Variants in CDKN3 observed in about 807,000 individuals in gnomAD.
The protein encoded by CDKN3 is cyclin-dependent kinase inhibitor 3.
Under a neutral mutation model 36.1 loss-of-function variants are expected in CDKN3, and 19 were observed. The ratio of observed to expected loss-of-function variants is 0.53; its 90% CI spans 0.37 to 0.77. CDKN3 has a LOEUF of 0.77. Ranked by LOEUF, CDKN3 falls within the 30% of genes least tolerant of loss-of-function variation. The pLI is 0.00. For missense variants in CDKN3, 188 were observed against 248.6 expected (o/e 0.76, Z 1.64); for synonymous variants, 71 against 85.3 (o/e 0.83, Z 0.92).
At chr14:54,412,300 G>C (rs2030385716) in intron 5 of CDKN3, among the ~76,000 whole-genome samples, 1 of 152,058 alleles carries the variant, frequency 6.6e-6, no homozygotes, top group East Asian at 1.9e-4. Flanking sequence ...TGGGGGAACT[G>C]CTTGAGCCTG....
intron 6 of CDKN3, among the ~76,000 whole-genome samples, chr14:54,417,159 G>A (rs558765939): frequency 6.6e-6 from 1 of 152,246 alleles, no homozygotes; most frequent in East Asian, 1.9e-4. Flanking sequence ...ATATGACCCA[G>A]CAATTTCACT....
Position 54,420,163 on chromosome 14 carries a change from A to C in CDKN3, c.*85A>C. 1 of 717,846 alleles carries C rather than the reference A, an allele frequency of 1.4e-6. No homozygotes were observed. The highest frequency in any genetic ancestry group is 2.7e-5 in the East Asian group (1 of 36,584). 44.5% of individuals were successfully genotyped at this position (717,846 alleles called of 1,614,324 possible). A position where few individuals can be genotyped will look rare whatever the true frequency, so the allele number is the denominator to read the frequency against. On this transcript the variant is annotated 3_prime_UTR_variant, in exon 8 of 8. Transcript: ENST00000335183. ...GTATTGAAATGAAACCACCAGTGTTATCAACTTGAATGTAAATGTACATGT... is the reference window on the plus strand; with the variant it reads ...GTATTGAAATGAAACCACCAGTGTTCTCAACTTGAATGTAAATGTACATGT...
chr14:54,409,461 C>G (rs1224201087), intron 4 of CDKN3, among the ~76,000 whole-genome samples: 3 of 152,140 alleles, frequency 2.0e-5, no homozygotes, highest in Non-Finnish European at 4.4e-5. Context: ...TTGCTTGATT[C>G]TAACTAGTAT....
rs932657303 is a variant in CDKN3, at chr14:54,403,929, T to G, written c.148+2350T>G. Among the ~76,000 whole-genome samples the G allele has an allele frequency of 9.2e-5, 14 of 152,230 alleles. 1 individual carries two copies. The highest frequency in any genetic ancestry group is 6.5e-5 in the Admixed American group (1 of 15,284). ...ATAAGCTTTTTAATGTGCTGCTGGATTCAGTTTGCCAGTATTTTACTGAGG... is the reference window on the plus strand; with the variant it reads ...ATAAGCTTTTTAATGTGCTGCTGGAGTCAGTTTGCCAGTATTTTACTGAGG... On this transcript the variant is annotated intron_variant, in intron 3 of 7. Coordinates refer to ENST00000335183, the MANE Select transcript of CDKN3 (RefSeq NM_005192.4).
At chr14:54,400,963 T>C (rs963439118) in intron 2 of CDKN3, among the ~76,000 whole-genome samples, 1 of 152,242 alleles carries the variant, frequency 6.6e-6, no homozygotes, top group African/African-American at 2.4e-5. Flanking sequence ...AAAATAGTAA[T>C]GTAGAATAAA....
chr14:54,400,034 A>G (rs763837229), intron 2 of CDKN3, 58 bp downstream of exon 2: 1 of 834,502 alleles, frequency 1.2e-6, no homozygotes, highest in Non-Finnish European at 2.1e-6. Flanking sequence ...TCATAAATGT[A>G]AATTTAGTTA....
At chr14:54,402,354 CTTTT>C (rs937640647) in intron 3 of CDKN3, among the ~76,000 whole-genome samples, 13 of 149,260 alleles carry the variant, frequency 8.7e-5, no homozygotes, top group African/African-American at 2.7e-4. Context: ...CTCACATTTT[CTTTT>C]TTTATTATAC....
chr14:54,415,762 A>G, intron 5 of CDKN3, 137 bp from the exon 6 acceptor site: 1 of 717,074 alleles, frequency 1.4e-6, no homozygotes. Flanking sequence ...TTAAATCAAA[A>G]ATATTTATTA....
rs2030680115 is a variant in CDKN3 at position 54,420,180 on chromosome 14, T to A, written c.*102T>A. ...CCAGTGTTATCAACTTGAATGTAAA[T>A]GTACATGTGCAGATATTCCTAAAGT... On this transcript the variant is annotated 3_prime_UTR_variant, in exon 8 of 8. Coordinates refer to ENST00000335183, the MANE Select transcript of CDKN3 (RefSeq NM_005192.4). The A allele has an allele frequency of 3.1e-6, 2 of 653,068 alleles. No homozygotes were observed. The highest frequency in any genetic ancestry group is 2.6e-5 in the Admixed American group (1 of 38,780). The allele number at this position is 653,068 out of a possible 1,614,324, so 40.5% of individuals were successfully genotyped here.
At chr14:54,407,493 CT>C (rs2030201534) in intron 3 of CDKN3, among the ~76,000 whole-genome samples, 1 of 152,228 alleles carries the variant, frequency 6.6e-6, no homozygotes, top group Non-Finnish European at 1.5e-5. Context: ...GGGAGTTTAT[CT>C]ATAAGCCCCT....
At chr14:54,401,909 T>G (rs1036037999) in intron 3 of CDKN3, among the ~76,000 whole-genome samples, 13 of 152,124 alleles carry the variant, frequency 8.5e-5, no homozygotes, top group African/African-American at 3.1e-4. Flanking sequence ...TTACTTCACT[T>G]AGAATAATAG....
chr14:54,408,087 A>T lies in CDKN3; in HGVS notation c.149-658A>T, dbSNP rs566114346. On this transcript the variant is annotated intron_variant, in intron 3 of 7. Transcript: ENST00000335183. ...TTGCTATAAACATGTGTGTGCAAGTATCTTTTTCATATAATGACTTCTTTT... is the reference window on the plus strand; with the variant it reads ...TTGCTATAAACATGTGTGTGCAAGTTTCTTTTTCATATAATGACTTCTTTT... 5.9e-5 allele frequency among the ~76,000 whole-genome samples: 9 copies of T among 152,322 alleles called. No homozygotes were observed. In the South Asian group the frequency reaches 1.9e-3, roughly 32 times the overall value.
chr14:54,399,454 C>G (rs1886412333), intron 1 of CDKN3, among the ~76,000 whole-genome samples: 1 of 152,220 alleles, frequency 6.6e-6, no homozygotes, highest in Non-Finnish European at 1.5e-5. Context: ...AATCTATGCA[C>G]ACATCTGTCT....
chr14:54,415,226 A>C (rs2030497808), intron 5 of CDKN3, among the ~76,000 whole-genome samples: 1 of 152,274 alleles, frequency 6.6e-6, no homozygotes, highest in Non-Finnish European at 1.5e-5. Context: ...GCTAGATAAC[A>C]GCAGCTAATG....
chr14:54,404,288 A>G (rs892703112), intron 3 of CDKN3, among the ~76,000 whole-genome samples: 1 of 152,146 alleles, frequency 6.6e-6, no homozygotes, highest in East Asian at 1.9e-4. Flanking sequence ...GGGAGGGTGT[A>G]TGTGTCCAGG....
chr14:54,403,374 T>C (rs1198353236), intron 3 of CDKN3, among the ~76,000 whole-genome samples: 1 of 152,278 alleles, frequency 6.6e-6, no homozygotes, highest in African/African-American at 2.4e-5. Flanking sequence ...TGTATAGGAA[T>C]GCTTGTGATT....
At chr14:54,409,223 A>C (rs2030268790) in intron 4 of CDKN3, among the ~76,000 whole-genome samples, 1 of 152,156 alleles carries the variant, frequency 6.6e-6, no homozygotes, top group Non-Finnish European at 1.5e-5. Context: ...GCCAGCATCT[A>C]GATGGAAAAG....
chr14:54,407,548 T>C (rs1487934245), intron 3 of CDKN3, among the ~76,000 whole-genome samples: 1 of 151,996 alleles, frequency 6.6e-6, no homozygotes, highest in Non-Finnish European at 1.5e-5. Flanking sequence ...CTGCCCAGAG[T>C]GGAGGAATCT....
At position 54,417,930 on chromosome 14, in the gene CDKN3, C is replaced by A; in HGVS notation, c.531C>A (p.Ser177=). ...AIDSLRDLRG[S]GAIQTIKQYN... ...ACAGCCTGCGAGACCTAAGAGGATC[C>A]GGGGCAATACAGACCATCAAGGTGA... Residue 177 remains serine, a synonymous_variant, in exon 7 of 8, where the codon TCC becomes TCA. Transcript: ENST00000335183. The A allele has an allele frequency of 6.3e-7, 1 of 1,588,260 alleles. No individual in the cohort carries two copies. The highest frequency in any genetic ancestry group is 2.3e-5 in the East Asian group (1 of 44,216).
Sources: allele counts gnomAD v4.1 joint callset (sites outside exome capture counted in the v4.1 genomes callset), GRCh38; gene constraint gnomAD v4.1.1; transcripts MANE v1.5; gene names NCBI Gene and HGNC (gene_info 2026-07-23, HGNC 2026-07-21).